Variants in SGCZ observed in about 807,000 individuals in gnomAD.
SGCZ encodes the protein zeta-sarcoglycan.
In SGCZ, 40 loss-of-function variants were observed where a neutral mutation model predicts 41.3. That is an observed-to-expected ratio of 0.97 (90% confidence interval 0.75 to 1.26). The LOEUF is 1.26. SGCZ is among the 50% of genes most tolerant of loss of function. SGCZ has a pLI of 0.00. For synonymous variants in SGCZ, 206 were observed against 137.5 expected, an observed-to-expected ratio of 1.50 and a Z score of -3.49; for missense variants, 552 against 369.8, an observed-to-expected ratio of 1.49 and a Z score of -4.04.
In SGCZ at chr8:14,660,433, G is replaced by A. The variant is rs183026929; in HGVS notation, c.40-105507C>T. Among the ~76,000 whole-genome samples the A allele has an allele frequency of 4.7e-3, 707 of 151,916 alleles. 7 individuals carry two copies. The highest frequency in any genetic ancestry group is 0.016 in the African/African-American group (676 of 41,448). On this transcript the variant is annotated intron_variant, in intron 1 of 7. Coordinates refer to ENST00000382080, the MANE Select transcript of SGCZ (RefSeq NM_139167.4). ...CTAAAAATACTCAAATTAGCCAGGC[G>A]TGGTGGTGGGCACCTGTAATCCCAA...
At chr8:14,560,906 T>G (rs1425445015) in intron 1 of SGCZ, among the ~76,000 whole-genome samples, 4 of 152,102 alleles carry the variant, frequency 2.6e-5, no homozygotes, top group Non-Finnish European at 4.4e-5. Context: ...TATGTTTATC[T>G]CCTCAAGAAA....
chr8:15,150,679 C>A (rs981488736), intron 1 of SGCZ, among the ~76,000 whole-genome samples: 8 of 152,198 alleles, frequency 5.3e-5, no homozygotes, highest in African/African-American at 1.9e-4. Flanking sequence ...AAAATTGTAT[C>A]AAGAGAAACA....
At chr8:14,834,590 A>C (rs991758983) in intron 1 of SGCZ, among the ~76,000 whole-genome samples, 9 of 152,220 alleles carry the variant, frequency 5.9e-5, no homozygotes, top group African/African-American at 2.2e-4. Flanking sequence ...TCCTAGCAGC[A>C]AGAAAAGGAG....
At chr8:14,659,464 C>A (rs202074942) in intron 1 of SGCZ, among the ~76,000 whole-genome samples, 1 of 152,058 alleles carries the variant, frequency 6.6e-6, no homozygotes, top group Non-Finnish European at 1.5e-5. Context: ...TATGATACAA[C>A]AACACGATCT....
At chr8:15,127,774 A>G (rs1403853952) in intron 1 of SGCZ, among the ~76,000 whole-genome samples, 2 of 152,226 alleles carry the variant, frequency 1.3e-5, no homozygotes, top group African/African-American at 2.4e-5. Flanking sequence ...AATATTCAAC[A>G]TTAATGTTAT....
intron 1 of SGCZ, among the ~76,000 whole-genome samples, chr8:14,915,956 CAT>C (rs1331938720): frequency 6.6e-6 from 1 of 152,170 alleles, no homozygotes; most frequent in African/African-American, 2.4e-5. Flanking sequence ...GCCATTTTAA[CAT>C]GTGTTCCAGC....
intron 1 of SGCZ, among the ~76,000 whole-genome samples, chr8:15,020,149 TGAG>T (rs1803196949): frequency 6.6e-6 from 1 of 152,078 alleles, no homozygotes; most frequent in African/African-American, 2.4e-5. Flanking sequence ...ACTGAAGATC[TGAG>T]GAGAAGATCA....
At chr8:14,862,255 G>A (rs1803775005) in intron 1 of SGCZ, among the ~76,000 whole-genome samples, 1 of 151,824 alleles carries the variant, frequency 6.6e-6, no homozygotes, top group African/African-American at 2.4e-5. Flanking sequence ...GGGTCATTTA[G>A]TGATTACCTA....
At chr8:14,952,873 T>C (rs901586502) in intron 1 of SGCZ, among the ~76,000 whole-genome samples, 1 of 152,180 alleles carries the variant, frequency 6.6e-6, no homozygotes, top group Non-Finnish European at 1.5e-5. Context: ...CACACCTTAC[T>C]GTGTGCTGGA....
chr8:14,115,520 A>G (rs1802496204), intron 5 of SGCZ, among the ~76,000 whole-genome samples: 1 of 152,042 alleles, frequency 6.6e-6, no homozygotes, highest in Non-Finnish European at 1.5e-5. Flanking sequence ...TACCACCTTT[A>G]CATAAAGTCT....
chr8:14,733,425 A>T (rs1313555537), intron 1 of SGCZ, among the ~76,000 whole-genome samples: 1 of 152,164 alleles, frequency 6.6e-6, no homozygotes, highest in Non-Finnish European at 1.5e-5. Flanking sequence ...TGGTTCTAGA[A>T]ATCGGTGCAG....
chr8:14,948,760 A>G (rs1421500588), intron 1 of SGCZ, among the ~76,000 whole-genome samples: 3 of 151,958 alleles, frequency 2.0e-5, no homozygotes, highest in Admixed American at 1.3e-4. Flanking sequence ...ACTCTTTCCT[A>G]TTCTGACTTC....
intron 4 of SGCZ, among the ~76,000 whole-genome samples, chr8:14,227,383 G>A (rs904864353): frequency 2.6e-5 from 4 of 152,012 alleles, no homozygotes; most frequent in African/African-American, 9.7e-5. Context: ...AGACTGATGG[G>A]TTTGTGAGCA....
chr8:14,168,608 C>T (rs1020943777), intron 4 of SGCZ, among the ~76,000 whole-genome samples: 3 of 152,142 alleles, frequency 2.0e-5, no homozygotes, highest in African/African-American at 7.2e-5. Context: ...GACTGTGAGG[C>T]CTCCCCAGCC....
chr8:15,234,339 C>T (rs1802054456), intron 1 of SGCZ, among the ~76,000 whole-genome samples: 1 of 152,146 alleles, frequency 6.6e-6, no homozygotes, highest in Admixed American at 6.5e-5. Context: ...ATTTCCAAAG[C>T]AGCAACCCAT....
intron 2 of SGCZ, among the ~76,000 whole-genome samples, chr8:14,423,707 T>C (rs1443264304): frequency 6.6e-6 from 1 of 152,104 alleles, no homozygotes; most frequent in African/African-American, 2.4e-5. Flanking sequence ...AGCCACTGTA[T>C]CTGGCTTATC....
At chr8:14,784,136 G>A (rs1800678228) in intron 1 of SGCZ, among the ~76,000 whole-genome samples, 2 of 149,648 alleles carry the variant, frequency 1.3e-5, no homozygotes, top group South Asian at 4.3e-4. Context: ...CAGTACACTT[G>A]ACCTCGCAGG....
Position 14,103,840 on chromosome 8 carries a change from A to C in SGCZ, c.621-1341T>G, listed in dbSNP as rs548564702. ...TTTGAAAACTTGAAGACAATCACTC[A>C]CAATCCTACTGCTTAATAAAATTTA... On this transcript the variant is annotated intron_variant, in intron 6 of 7. Coordinates refer to ENST00000382080, the MANE Select transcript of SGCZ (RefSeq NM_139167.4). 9.2e-5 allele frequency among the ~76,000 whole-genome samples: 14 copies of C among 152,240 alleles called. No individual in the cohort carries two copies. In the East Asian group the frequency reaches 2.5e-3, roughly 27 times the overall value.
intron 1 of SGCZ, among the ~76,000 whole-genome samples, chr8:14,571,549 G>C (rs1376317674): frequency 1.3e-5 from 2 of 152,072 alleles, no homozygotes; most frequent in South Asian, 2.1e-4. Context: ...CTTGATTTTA[G>C]ATACTCTCAA....
Sources: gnomAD v4.1 joint callset for allele counts (sites outside exome capture counted in the v4.1 genomes callset) on GRCh38, gnomAD v4.1.1 for gene constraint, MANE v1.5 for transcripts, NCBI Gene and HGNC (gene_info 2026-07-23, HGNC 2026-07-21) for gene names.